ATP23: variants seen among roughly 807,000 people sequenced by gnomAD.
ATP23 encodes mitochondrial inner membrane protease ATP23 homolog.
Under a neutral mutation model 28.5 loss-of-function variants are expected in ATP23, and 24 were observed. The ratio of observed to expected loss-of-function variants is 0.84; its 90% CI spans 0.61 to 1.18. The LOEUF (loss-of-function observed/expected upper bound fraction) is 1.18. ATP23 is among the 50% of genes most tolerant of loss of function. ATP23 has a pLI of 0.00. For synonymous variants in ATP23, 99 were observed against 108.6 expected (o/e 0.91, Z 0.55); for missense variants, 274 against 306.4 (o/e 0.89, Z 0.79).
chr12:57,949,590 C>A (rs1444624871), intron 3 of ATP23, among the ~76,000 whole-genome samples: 1 of 152,082 alleles, frequency 6.6e-6, no homozygotes, highest in Non-Finnish European at 1.5e-5. Flanking sequence ...AACTCCTGGG[C>A]TCAAGCAATC....
At chr12:57,948,927 G>A (rs1956789768) in intron 3 of ATP23, among the ~76,000 whole-genome samples, 1 of 152,194 alleles carries the variant, frequency 6.6e-6, no homozygotes, top group South Asian at 2.1e-4. Context: ...TTATGAAATT[G>A]TACAGTATAT....
intron 4 of ATP23, among the ~76,000 whole-genome samples, chr12:57,953,281 T>G (rs1032657504): frequency 6.6e-6 from 1 of 152,216 alleles, no homozygotes; most frequent in Non-Finnish European, 1.5e-5. Context: ...AACTCTGAGG[T>G]CTAGCTCTCT....
chr12:57,941,925 A>G (rs1956708665), intron 1 of ATP23, 37 bp downstream of exon 1: 3 of 1,605,976 alleles, frequency 1.9e-6, no homozygotes, highest in East Asian at 4.5e-5. Context: ...GTTCCACAGA[A>G]TGGGTCTGAG....
intron 2 of ATP23, among the ~76,000 whole-genome samples, chr12:57,946,394 C>G (rs1956760953): frequency 6.6e-6 from 1 of 151,450 alleles, no homozygotes; most frequent in Non-Finnish European, 1.5e-5. Flanking sequence ...CATTCTGGCC[C>G]AAGGGCAGGA....
chr12:57,951,908 G>C lies in ATP23; in HGVS notation c.453+13G>C. 2 of 1,613,664 alleles carry C rather than the reference G, an allele frequency of 1.2e-6. No homozygotes were observed. The highest frequency in any genetic ancestry group is 1.7e-6 in the Non-Finnish European group (2 of 1,179,688). On this transcript the variant is annotated intron_variant, in intron 4 of 5. Coordinates refer to ENST00000300145, the MANE Select transcript of ATP23 (RefSeq NM_033276.4). The stretch of plus-strand genomic sequence containing the variant: ...GGCGTGCTCAGAGGTGAGTTTTATT[G>C]TATTTTTCTCCAGAATACTCTATGC...
intron 5 of ATP23, among the ~76,000 whole-genome samples, 186 bp downstream of exon 5, chr12:57,953,875 A>G (rs968358773): frequency 6.6e-6 from 1 of 152,164 alleles, no homozygotes. Context: ...TGGGCAAGCT[A>G]TGTGACTCAA....
chr12:57,943,326 C>T (rs1486857609), intron 1 of ATP23, among the ~76,000 whole-genome samples: 1 of 152,122 alleles, frequency 6.6e-6, no homozygotes, highest in East Asian at 1.9e-4. Flanking sequence ...CTGATCCTCA[C>T]TATCCTTATT....
At chr12:57,953,950 T>C (rs1236853437) in intron 5 of ATP23, among the ~76,000 whole-genome samples, 2 of 151,912 alleles carry the variant, frequency 1.3e-5, no homozygotes, top group African/African-American at 4.8e-5. Context: ...CTCCCAGCAG[T>C]TTGGGAGGCC....
intron 3 of ATP23, chr12:57,949,608 C>T (rs1264210923): frequency 6.6e-6 from 1 of 152,470 alleles, no homozygotes; most frequent in Non-Finnish European, 1.5e-5. Flanking sequence ...ATCCTCCCAT[C>T]TCAGCCTCCT....
chr12:57,945,531 C>A, intron 1 of ATP23, 97 bp from the exon 2 acceptor site: 1 of 1,050,732 alleles, frequency 9.5e-7, no homozygotes, highest in African/African-American at 1.6e-5. Flanking sequence ...TGCATCTGGC[C>A]TGTGAGTTAC....
chr12:57,941,793 G>A lies in ATP23; in HGVS notation c.92G>A (p.Arg31His), dbSNP rs1261275466. The change falls in exon 1 of 6, where the codon CGT becomes CAT. Residue 31 changes from arginine to histidine, a missense_variant. Transcript: ENST00000300145. ...QHVSCQVFPE[R>H]LAQGNPQQGF... ...GTCTCTTGCCAGGTCTTCCCCGAGC[G>A]TCTGGCCCAGGGGAATCCCCAGCAA... 1.2e-6 allele frequency: 2 copies of A among 1,609,820 alleles called. No homozygotes were observed. The highest frequency in any genetic ancestry group is 1.7e-6 in the Non-Finnish European group (2 of 1,178,380).
intron 3 of ATP23, among the ~76,000 whole-genome samples, chr12:57,950,187 C>T (rs1956800900): frequency 6.6e-6 from 1 of 152,192 alleles, no homozygotes; most frequent in Admixed American, 6.5e-5. Flanking sequence ...AAGCAGTCTT[C>T]TGTTTCAACA....
rs961142070 is a variant in ATP23 at position 57,958,107 on chromosome 12, C to T, written c.*1217C>T. ...GGAGCTGGGTGAGGCCTGTGACTGCCGGCTTTCCCCTACTTCCCTGACAAC... is the reference window on the plus strand; with the variant it reads ...GGAGCTGGGTGAGGCCTGTGACTGCTGGCTTTCCCCTACTTCCCTGACAAC... On this transcript the variant is annotated 3_prime_UTR_variant, in exon 6 of 6. Coordinates refer to ENST00000300145, the MANE Select transcript of ATP23 (RefSeq NM_033276.4). Among the ~76,000 whole-genome samples, 10 of 152,162 alleles carry T rather than the reference C, an allele frequency of 6.6e-5. 1 individual carries two copies. Among genetic ancestry groups the T allele is most frequent in the Admixed American group, 1.3e-4 (2 of 15,290 alleles).
rs567564776 is a variant in ATP23, at chr12:57,958,498, C to G, written c.*1608C>G. On this transcript the variant is annotated 3_prime_UTR_variant, in exon 6 of 6. Transcript: ENST00000300145. ...GAGTCCATTGCACCCCCCCTGCCAC[C>G]TCCACTGGAACAGGTGCTGGTATCC... is the stretch of plus-strand genomic sequence containing the variant. 6.6e-6 allele frequency among the ~76,000 whole-genome samples: 1 copy of G among 152,162 alleles called. No individual in the cohort carries two copies. The highest frequency in any genetic ancestry group is 1.5e-5 in the Non-Finnish European group (1 of 68,028).
At chr12:57,943,679 TAA>T (rs34125659) in intron 1 of ATP23, among the ~76,000 whole-genome samples, 10 of 142,184 alleles carry the variant, frequency 7.0e-5, no homozygotes, top group African/African-American at 2.0e-4. Context: ...AGACCCTGTC[TAA>T]AAAAAAAAAA....
intron 3 of ATP23, chr12:57,949,624 G>T (rs1320959347): frequency 6.6e-6 from 1 of 152,390 alleles, no homozygotes; most frequent in Non-Finnish European, 1.5e-5. Flanking sequence ...CTCCTGAGTA[G>T]TTGGGACTAC....
chr12:57,954,401 G>C (rs141402710), intron 5 of ATP23, among the ~76,000 whole-genome samples: 1 of 152,208 alleles, frequency 6.6e-6, no homozygotes, highest in Non-Finnish European at 1.5e-5. Context: ...ACAAGTTATG[G>C]CTATGTGTCA....
At chr12:57,943,401 T>A (rs1254911649) in intron 1 of ATP23, among the ~76,000 whole-genome samples, 2 of 152,032 alleles carry the variant, frequency 1.3e-5, no homozygotes, top group Non-Finnish European at 2.9e-5. Context: ...TTTATGGGGC[T>A]GGGTACGGTG....
At chr12:57,945,912 T>C (rs35712620) in intron 2 of ATP23, among the ~76,000 whole-genome samples, 19,033 of 149,982 alleles carry the variant, frequency 0.13, 2,104 homozygotes, top group African/African-American at 0.3. Flanking sequence ...GTTGTCCAGG[T>C]GGGAGTGCGT....
Sources: allele counts gnomAD v4.1 joint callset (sites outside exome capture counted in the v4.1 genomes callset), GRCh38; gene constraint gnomAD v4.1.1; transcripts MANE v1.5; gene names NCBI Gene and HGNC (gene_info 2026-07-23, HGNC 2026-07-21).